Variants in RASAL2 observed in about 807,000 individuals in gnomAD.
The protein encoded by RASAL2 is RAS protein activator like 2.
A neutral mutation model predicts 128.9 loss-of-function variants in RASAL2; 58 were observed. The observed-to-expected ratio is 0.45, with a 90% CI of 0.36 to 0.56. RASAL2 has a LOEUF of 0.56. Ranked by LOEUF, RASAL2 falls within the 20% of genes least tolerant of loss-of-function variation. The pLI, the probability that RASAL2 is intolerant of heterozygous loss-of-function variation, is 0.00. For missense variants in RASAL2, 1,360 were observed against 1,601.6 expected, an observed-to-expected ratio of 0.85 and a Z score of 2.57; for synonymous variants, 561 against 580.8, an observed-to-expected ratio of 0.97 and a Z score of 0.49.
rs767568879 is a variant in RASAL2 at position 178,283,620 on chromosome 1, A to G, written c.259A>G (p.Thr87Ala). ...LSCGQSPYTE[T>A]TTWERKYCIL... is the part of the protein sequence containing the mutation. The stretch of plus-strand genomic sequence containing the variant: ...TTGTGGTCAGTCACCCTACACCGAG[A>G]CAACAACGTGGGAGCGGAAGTATTG... The change falls in exon 2 of 18, where the codon ACA becomes GCA. Residue 87 changes from threonine to alanine, a missense_variant. Around this residue, in one of 3 missense-constraint regions of RASAL2, gnomAD observed 617 missense variants for 714.2 expected, o/e 0.86. Coordinates refer to ENST00000367649, the MANE Select transcript of RASAL2 (RefSeq NM_170692.4). 6.2e-7 allele frequency: 1 copy of G among 1,614,022 alleles called. No homozygotes were observed. Among genetic ancestry groups the G allele is most frequent in the South Asian group, 1.1e-5 (1 of 91,064 alleles).
chr1:178,293,762 G>A (rs1008310410), intron 2 of RASAL2, among the ~76,000 whole-genome samples: 1 of 152,168 alleles, frequency 6.6e-6, no homozygotes, highest in Non-Finnish European at 1.5e-5. Context: ...GTTAACTTAC[G>A]TGGAATTAGT....
Position 178,308,076 on chromosome 1 carries a change from C to T in RASAL2, c.457+7958C>T, listed in dbSNP as rs1668076686. ...ATTATAATAAAATATTAAAGTTATC[C>T]CGTCATCTTACTTACAGAATGTCTG... On this transcript the variant is annotated intron_variant, in intron 3 of 17. Transcript: ENST00000367649. Among the ~76,000 whole-genome samples, 3 of 151,992 alleles carry T rather than the reference C, an allele frequency of 2.0e-5. No homozygotes were observed. In the South Asian group the frequency reaches 6.2e-4, roughly 32 times the overall value.
chr1:178,274,358 G>A (rs1256485337), intron 1 of RASAL2, among the ~76,000 whole-genome samples: 1 of 152,076 alleles, frequency 6.6e-6, no homozygotes, highest in Non-Finnish European at 1.5e-5. Flanking sequence ...GGAAAGTGAT[G>A]CGATCCAATT....
intron 1 of RASAL2, among the ~76,000 whole-genome samples, chr1:178,278,768 G>A (rs975504896): frequency 1.3e-5 from 2 of 152,098 alleles, no homozygotes; most frequent in African/African-American, 4.8e-5. Context: ...TCCTAAGTAT[G>A]GAAGAGATAA....
rs1434696814 is a variant in RASAL2 at position 178,466,248 on chromosome 1, A to G, written c.3590+126A>G. On this transcript the variant is annotated intron_variant, in intron 16 of 17. Coordinates refer to ENST00000367649, the MANE Select transcript of RASAL2 (RefSeq NM_170692.4). ...CCTTGTGGTACTGAGTACAAATGTG[A>G]TAATTGACTGTATCTCTTAAAATAT... The G allele has an allele frequency of 4.9e-6, 4 of 816,114 alleles. No homozygotes were observed. The African/African-American group carries it at 5.3e-5, about 11-fold the overall frequency. The allele number at this position is 816,114 out of a possible 1,614,324, so 50.6% of individuals were successfully genotyped here.
chr1:178,114,797 C>T (rs1235835100), intron 1 of RASAL2, among the ~76,000 whole-genome samples: 1 of 152,250 alleles, frequency 6.6e-6, no homozygotes, highest in Non-Finnish European at 1.5e-5. Flanking sequence ...GCTGGGATTA[C>T]AGGCGTGAGC....
intron 17 of RASAL2, among the ~76,000 whole-genome samples, chr1:178,469,978 A>G (rs1648109571): frequency 6.6e-6 from 1 of 152,238 alleles, no homozygotes. Context: ...TAAATTTTAA[A>G]AAATTATAGT....
At chr1:178,296,129 ATATATATGTGTGTG>A (rs1667495480) in intron 2 of RASAL2, among the ~76,000 whole-genome samples, 1 of 117,012 alleles carries the variant, frequency 8.5e-6, no homozygotes, top group South Asian at 2.3e-4. Context: ...ATATATGTGT[ATATATATGTGTGTG>A]TATATATGTG....
chr1:178,303,759 A>G lies in RASAL2; in HGVS notation c.457+3641A>G, dbSNP rs537944865. Among the ~76,000 whole-genome samples the G allele has an allele frequency of 1.2e-4, 19 of 152,254 alleles. No individual in the cohort carries two copies. In the South Asian group the frequency reaches 3.9e-3, roughly 32 times the overall value. On this transcript the variant is annotated intron_variant, in intron 3 of 17. Transcript: ENST00000367649. ...AATGAACAAAGGGCTTTTATCTAGT[A>G]TATATAAATGCTTCCTCGTAGAAAA...
At chr1:178,097,500 T>G (rs536410247) in intron 1 of RASAL2, among the ~76,000 whole-genome samples, 1 of 152,292 alleles carries the variant, frequency 6.6e-6, no homozygotes, top group South Asian at 2.1e-4. Flanking sequence ...GAAGATATAT[T>G]GAAGGCAGAT....
intron 1 of RASAL2, among the ~76,000 whole-genome samples, chr1:178,128,616 G>A (rs560227237): frequency 3.9e-5 from 6 of 152,042 alleles, no homozygotes; most frequent in East Asian, 1.9e-4. Flanking sequence ...TTATAAAGTC[G>A]TATAACCATC....
chr1:178,201,341 A>C (rs138288844), intron 1 of RASAL2, among the ~76,000 whole-genome samples: 204 of 152,320 alleles, frequency 1.3e-3, no homozygotes, highest in African/African-American at 4.7e-3. Context: ...GAAATGCCTA[A>C]TCTCCCTTGG....
At chr1:178,399,838 C>T (rs1309194155) in intron 4 of RASAL2, among the ~76,000 whole-genome samples, 5 of 152,158 alleles carry the variant, frequency 3.3e-5, no homozygotes, top group Non-Finnish European at 4.4e-5. Context: ...AACTCACTCC[C>T]GGCCTCCAAT....
At chr1:178,343,832 T>C (rs1670006655) in intron 3 of RASAL2, among the ~76,000 whole-genome samples, 1 of 152,016 alleles carries the variant, frequency 6.6e-6, no homozygotes, top group Admixed American at 6.6e-5. Context: ...ACTTTGTGGC[T>C]AAAGATAAAT....
intron 1 of RASAL2, among the ~76,000 whole-genome samples, chr1:178,261,031 A>G (rs1349869776): frequency 2.0e-5 from 3 of 152,250 alleles, no homozygotes; most frequent in East Asian, 1.9e-4. Flanking sequence ...GAGAAGAGCC[A>G]GAAGGTGTGG....
chr1:178,228,064 G>A (rs1663857795), intron 1 of RASAL2, among the ~76,000 whole-genome samples: 1 of 152,128 alleles, frequency 6.6e-6, no homozygotes, highest in Non-Finnish European at 1.5e-5. Flanking sequence ...AGTGATATTA[G>A]GCTTTCGTTA....
At chr1:178,223,469 G>A (rs1663687156) in intron 1 of RASAL2, among the ~76,000 whole-genome samples, 2 of 152,114 alleles carry the variant, frequency 1.3e-5, no homozygotes, top group Non-Finnish European at 2.9e-5. Flanking sequence ...CCCTGTGGTG[G>A]GAAGGAGAGT....
At chr1:178,388,060 TTC>T in intron 3 of RASAL2, among the ~76,000 whole-genome samples, 1 of 152,324 alleles carries the variant, frequency 6.6e-6, no homozygotes, top group East Asian at 1.9e-4. Flanking sequence ...CCAATTTAGT[TTC>T]TCTGTCAATT....
intron 3 of RASAL2, among the ~76,000 whole-genome samples, chr1:178,388,902 A>C (rs1672735624): frequency 6.6e-6 from 1 of 152,242 alleles, no homozygotes; most frequent in South Asian, 2.1e-4. Flanking sequence ...GAGGATGTGC[A>C]GTCAGAACGA....
Sources: allele counts gnomAD v4.1 joint callset (sites outside exome capture counted in the v4.1 genomes callset), GRCh38; gene constraint gnomAD v4.1.1; regional missense constraint gnomAD v4.1.1; transcripts MANE v1.5; gene names NCBI Gene and HGNC (gene_info 2026-07-23, HGNC 2026-07-21).